The following ADSL variants were observed in gnomAD, a reference collection of about 807,000 sequenced individuals.
ADSL encodes adenylosuccinate lyase.
In ADSL, 44 loss-of-function variants were observed where a neutral mutation model predicts 62.1. That is an observed-to-expected ratio of 0.71 (90% CI 0.56 to 0.91). The LOEUF (loss-of-function observed/expected upper bound fraction) is 0.91. Ranked by LOEUF, ADSL falls within the 40% of genes least tolerant of loss-of-function variation. The probability of loss-of-function intolerance (pLI) is 0.00; values close to 1 mark genes in which losing one functional copy is unlikely to be tolerated. For synonymous variants in ADSL, 198 were observed against 220.5 expected, an observed-to-expected ratio of 0.90 and a Z score of 0.90; for missense variants, 531 against 627.4, an observed-to-expected ratio of 0.85 and a Z score of 1.64.
At chr22:40,381,684 G>A (rs968062688) in intron 2 of ADSL, among the ~76,000 whole-genome samples, 6 of 152,200 alleles carry the variant, frequency 3.9e-5, no homozygotes, top group Admixed American at 3.9e-4. Flanking sequence ...GCCGGGCGTA[G>A]TGGTTCACAC....
chr22:40,361,815 T>TA, intron 9 of ADSL, 180 bp downstream of exon 9: 3 of 807,044 alleles, frequency 3.7e-6, no homozygotes, highest in Non-Finnish European at 6.1e-6. Context: ...TTGGAGTGTG[T>TA]ACTGGGTACT....
Position 40,350,055 on chromosome 22 carries a change from A to G in ADSL, c.357+20A>G. 2 of 1,604,886 alleles carry G rather than the reference A, an allele frequency of 1.2e-6. No homozygotes were observed. The highest frequency in any genetic ancestry group is 1.7e-6 in the Non-Finnish European group (2 of 1,171,786). On this transcript the variant is annotated intron_variant, in intron 2 of 12. Coordinates refer to ENST00000623063, the MANE Select transcript of ADSL (RefSeq NM_000026.4). The stretch of plus-strand genomic sequence containing the variant: ...AATACTGTAGGCGCCTGTGTTGTTT[A>G]TACTTAAAACTCAGTCTCTAGAATC...
In ADSL at chr22:40,368,988, G is replaced by A. The variant is rs1383263056; in HGVS notation, c.*2466G>A. The A allele has an allele frequency of 2.0e-5, 3 of 152,174 alleles. No homozygotes were observed. Among genetic ancestry groups the A allele is most frequent in the African/African-American group, 7.2e-5 (3 of 41,430 alleles). The allele number at this position is 152,174 out of a possible 1,614,324, so 9.4% of individuals were successfully genotyped here. On this transcript the variant is annotated 3_prime_UTR_variant, in exon 13 of 13. Transcript: ENST00000623063. ...CTGACACAAGGAAATTAAGTCATGG[G>A]ACTCTGACCAGATATTCTGTCTACT...
At chr22:40,354,354 A>C in intron 4 of ADSL, 27 bp downstream of exon 4, 1 of 1,559,326 alleles carries the variant, frequency 6.4e-7, no homozygotes, top group Non-Finnish European at 8.8e-7. Context: ...CTTCTTGTTT[A>C]TGTGCATATG....
At chr22:40,353,957 A>G (rs2044452100) in intron 3 of ADSL, 1 of 489,390 alleles carries the variant, frequency 2.0e-6, no homozygotes, top group Non-Finnish European at 3.7e-6. Context: ...AGAGAGTGCA[A>G]CCAAAGGCAT....
Position 40,361,469 on chromosome 22 carries a change from C to T in ADSL, c.863-19C>T. On this transcript the variant is annotated intron_variant, in intron 8 of 12. Coordinates refer to ENST00000623063, the MANE Select transcript of ADSL (RefSeq NM_000026.4). ...AAGTCTCTCTGCCTTTGCATCTTGT[C>T]CTTTTTTTACATGGGCAGGCTCAAG... is the stretch of plus-strand genomic sequence containing the variant. 6.2e-7 allele frequency: 1 copy of T among 1,614,182 alleles called. No homozygotes were observed. The highest frequency in any genetic ancestry group is 8.5e-7 in the Non-Finnish European group (1 of 1,180,046).
intron 11 of ADSL, 75 bp downstream of exon 11, chr22:40,364,440 C>A: frequency 7.9e-7 from 1 of 1,272,976 alleles, no homozygotes. Context: ...TGAAGGAGAG[C>A]AGATGAAGGT....
chr22:40,381,771 A>C (rs956833737), intron 2 of ADSL, among the ~76,000 whole-genome samples: 9 of 152,164 alleles, frequency 5.9e-5, no homozygotes, highest in Non-Finnish European at 8.8e-5. Context: ...CCTGAGCAAC[A>C]TGGCAAAACC....
At chr22:40,381,672 G>A (rs1360610662) in intron 2 of ADSL, among the ~76,000 whole-genome samples, 2 of 152,080 alleles carry the variant, frequency 1.3e-5, no homozygotes, top group Non-Finnish European at 2.9e-5. Context: ...ATAATTCTTG[G>A]GGCCGGGCGT....
intron 5 of ADSL, 32 bp from the exon 6 acceptor site, chr22:40,359,228 A>G: frequency 2.5e-6 from 4 of 1,612,246 alleles, no homozygotes; most frequent in Non-Finnish European, 3.4e-6. Flanking sequence ...GGACACATGG[A>G]TTATTATAAG....
chr22:40,376,178 C>CG (rs2046529305), intron 2 of ADSL: 1 of 86,844 alleles, frequency 1.2e-5, no homozygotes. Flanking sequence ...CAAATTACCA[C>CG]TTTTTTTTTT....
chr22:40,366,646 A>T lies in ADSL; in HGVS notation c.*124A>T, dbSNP rs536426603. The T allele has an allele frequency of 1.3e-6, 1 of 745,024 alleles. No individual in the cohort carries two copies. Among genetic ancestry groups the T allele is most frequent in the East Asian group, 2.7e-5 (1 of 36,482 alleles). The allele number at this position is 745,024 out of a possible 1,614,324, so 46.2% of individuals were successfully genotyped here. The stretch of plus-strand genomic sequence containing the variant: ...ATTAGTACAGCACTTTCTTCTTCCC[A>T]TGGTGCTTTCCTGTTTCTCAGTCTC... On this transcript the variant is annotated 3_prime_UTR_variant, in exon 13 of 13. Transcript: ENST00000623063.
At chr22:40,351,103 T>C (rs1187523788) in intron 2 of ADSL, among the ~76,000 whole-genome samples, 1 of 151,916 alleles carries the variant, frequency 6.6e-6, no homozygotes, top group African/African-American at 2.4e-5. Context: ...CAAGTGATTC[T>C]CCCACCTCGG....
intron 4 of ADSL, among the ~76,000 whole-genome samples, chr22:40,357,084 C>G (rs1298118755): frequency 6.6e-6 from 1 of 151,810 alleles, no homozygotes; most frequent in East Asian, 1.9e-4. Flanking sequence ...TTTGTAGAAA[C>G]AGGGTTTTAC....
intron 2 of ADSL, among the ~76,000 whole-genome samples, chr22:40,381,959 C>G (rs1336094660): frequency 6.6e-6 from 1 of 152,140 alleles, no homozygotes; most frequent in Non-Finnish European, 1.5e-5. Flanking sequence ...GACGCTGTCT[C>G]AAATAATAAT....
chr22:40,387,294 T>C (rs2048631479), intron 2 of ADSL: 1 of 398,234 alleles, frequency 2.5e-6, no homozygotes, highest in Admixed American at 4.4e-5. Flanking sequence ...CTGTATATAG[T>C]GTAGTATAAT....
Position 40,358,950 on chromosome 22 carries a change from G to T in ADSL, c.569G>T (p.Arg190Leu). Reference sequence around the variant, plus strand: ...GATCTCCAGAACTTGAAGCGTGTCCGAGATGACCTGCGCTTCCGGGGAGTA... The same window carrying T: ...GATCTCCAGAACTTGAAGCGTGTCCTAGATGACCTGCGCTTCCGGGGAGTA... ...CMDLQNLKRV[R>L]DDLRFRGVKG... is the part of the protein sequence containing the mutation. The change falls in exon 5 of 13, where the codon CGA (arginine) becomes CTA (leucine). Residue 190 changes from arginine (R) to leucine (L), a missense_variant. Arg to Leu is a moderately radical substitution (Grantham distance 102). This residue lies in a region of ADSL where 471 missense variants were observed against 592.9 expected (regional missense o/e 0.79). Coordinates refer to ENST00000623063, the MANE Select transcript of ADSL (RefSeq NM_000026.4). The T allele has an allele frequency of 6.2e-7, 1 of 1,614,198 alleles. No homozygotes were observed. The highest frequency in any genetic ancestry group is 8.5e-7 in the Non-Finnish European group (1 of 1,180,044).
intron 2 of ADSL, among the ~76,000 whole-genome samples, chr22:40,351,614 T>C (rs2044350729): frequency 6.6e-6 from 1 of 152,062 alleles, no homozygotes; most frequent in Non-Finnish European, 1.5e-5. Context: ...GCCTAGCTTG[T>C]GCTCTTAATC....
chr22:40,361,272 G>A lies in ADSL; in HGVS notation c.793-1G>A. 1 of 1,614,102 alleles carries A rather than the reference G, an allele frequency of 6.2e-7. No individual in the cohort carries two copies. The highest frequency in any genetic ancestry group is 8.5e-7 in the Non-Finnish European group (1 of 1,180,002). On this transcript the variant is annotated splice_acceptor_variant, in intron 7 of 12. Transcript: ENST00000623063. LOFTEE classifies it high-confidence loss of function. Reference sequence around the variant, plus strand: ...GATGCTTATTCCCCTACCTCCCCCAGATTTGCACCGACATACGCCTCCTGG... The same window carrying A: ...GATGCTTATTCCCCTACCTCCCCCAAATTTGCACCGACATACGCCTCCTGG...
Sources: gnomAD v4.1 joint callset for allele counts (sites outside exome capture counted in the v4.1 genomes callset) on GRCh38, gnomAD v4.1.1 for gene constraint, gnomAD v4.1.1 regional missense constraint, MANE v1.5 for transcripts, NCBI Gene and HGNC (gene_info 2026-07-23, HGNC 2026-07-21) for gene names.